Variants in NBPF9 observed in about 807,000 individuals in gnomAD.
NBPF9 encodes the protein NBPF family member NBPF9.
Under a neutral mutation model 97.8 loss-of-function variants are expected in NBPF9, and 91 were observed. The ratio of observed to expected loss-of-function variants is 0.93; its 90% CI spans 0.79 to 1.11. NBPF9 has a LOEUF of 1.11. NBPF9 is among the 50% of genes least tolerant of loss of function. NBPF9 has a pLI of 0.00. For synonymous variants in NBPF9, 334 were observed against 359.5 expected (o/e 0.93, Z 0.80); for missense variants, 992 against 939.5 (o/e 1.06, Z -0.73).
In NBPF9 at chr1:149,074,809, C is replaced by CATTATT. The variant is rs369434237; in HGVS notation, c.988+840_988+845dup. Among the ~76,000 whole-genome samples, 17 of 149,670 alleles carry CATTATT rather than the reference C, an allele frequency of 1.1e-4. 2 individuals carry two copies. Among genetic ancestry groups the CATTATT allele is most frequent in the Admixed American group, 5.4e-4 (8 of 14,952 alleles). ...TTTTATTCTTATTTTTATTTATCAT[C>CATTATT]ATTATTATTATTATTATTATTTTTA... On this transcript the variant is annotated intron_variant, in intron 12 of 29. Coordinates refer to ENST00000584027, the Ensembl canonical transcript of NBPF9.
chr1:149,098,269 G>T (rs1401094450), intron 4 of NBPF9, among the ~76,000 whole-genome samples, 169 bp downstream of exon 4: 1 of 151,382 alleles, frequency 6.6e-6, no homozygotes. Context: ...GGTGGCACAC[G>T]CTGTGAATAT....
At chr1:149,072,193 T>A (rs1559527029) in intron 14 of NBPF9, among the ~76,000 whole-genome samples, 1 of 151,292 alleles carries the variant, frequency 6.6e-6, no homozygotes, top group Non-Finnish European at 1.5e-5. Flanking sequence ...CGCCCCCACA[T>A]AAAGTGCCTT....
chr1:149,077,392 T>G lies in NBPF9; in HGVS notation c.594A>C (p.Lys198Asn), dbSNP rs1417700008. ...ATTCCTCCAGTGAGTCCTCAGCGAC[T>G]TTGCTCTCTTCAGCCTTCTGCACCT... The change falls in exon 11 of 30, where the codon AAA becomes AAC. Residue 198 changes from lysine to asparagine, a missense_variant. Physicochemically the swap from Lys to Asn is moderately conservative, Grantham distance 94. Coordinates refer to ENST00000584027, the Ensembl canonical transcript of NBPF9. 550 of 1,610,048 alleles carry G rather than the reference T, an allele frequency of 3.4e-4. 12 individuals are homozygous for G. The African/African-American group carries it at 6.5e-3, about 19-fold the overall frequency.
intron 4 of NBPF9, among the ~76,000 whole-genome samples, chr1:149,097,026 A>G (rs1162057920): frequency 6.6e-6 from 1 of 151,270 alleles, no homozygotes; most frequent in Non-Finnish European, 1.5e-5. Context: ...AAGAAAAAGA[A>G]AAGAAGAAAG....
At chr1:149,058,850 C>G (rs1166780023) in intron 26 of NBPF9, 75 bp downstream of exon 26, 108 of 701,466 alleles carry the variant, frequency 1.5e-4, no homozygotes, top group Middle Eastern at 3.8e-4. Flanking sequence ...TCAGTAAGGG[C>G]CACTTGGAAC....
intron 1 of NBPF9, 111 bp downstream of exon 1, chr1:149,103,190 G>A (rs587658481): frequency 2.3e-5 from 2 of 85,272 alleles, no homozygotes; most frequent in African/African-American, 8.9e-5. Context: ...CCCCCACCCC[G>A]CCTCGCCCTC....
chr1:149,058,886 C>T (rs1249572304), intron 26 of NBPF9, 39 bp downstream of exon 26: 4 of 623,322 alleles, frequency 6.4e-6, no homozygotes, highest in African/African-American at 6.2e-5. Context: ...ATCTGGAAGA[C>T]CAGGTGGAGG....
At chr1:149,063,030 T>G in intron 20 of NBPF9, 117 bp from the exon 21 acceptor site, 1 of 564,980 alleles carries the variant, frequency 1.8e-6, no homozygotes. Flanking sequence ...AATAGGACAC[T>G]GTGAGAGATA....
chr1:149,082,953 T>C (rs1213722152), intron 5 of NBPF9, among the ~76,000 whole-genome samples: 5 of 60,108 alleles, frequency 8.3e-5, no homozygotes, highest in Admixed American at 5.8e-4. Flanking sequence ...CTAATTTTTC[T>C]TTTCTTTTTT....
chr1:149,094,078 T>C (rs2081588303), intron 4 of NBPF9, among the ~76,000 whole-genome samples: 2 of 151,784 alleles, frequency 1.3e-5, no homozygotes, highest in Admixed American at 6.6e-5. Context: ...GAGGTTGCAG[T>C]GAGCTGAGAT....
downstream of NBPF9, among the ~76,000 whole-genome samples, chr1:149,052,256 G>C (rs61808006): frequency 6.6e-6 from 1 of 151,574 alleles, no homozygotes; most frequent in Non-Finnish European, 1.5e-5. Context: ...TCGACTTTAT[G>C]AAAATTAAAA....
At chr1:149,100,941 A>C (rs1428461002) in intron 3 of NBPF9, among the ~76,000 whole-genome samples, 7 of 152,130 alleles carry the variant, frequency 4.6e-5, no homozygotes, top group Non-Finnish European at 7.3e-5. Flanking sequence ...CTGAAAAAAA[A>C]AAAAAGAAAT....
At chr1:149,083,086 G>A (rs1334727401) in intron 5 of NBPF9, among the ~76,000 whole-genome samples, 2 of 148,640 alleles carry the variant, frequency 1.3e-5, no homozygotes, top group Non-Finnish European at 3.0e-5. Context: ...GGGATTACAG[G>A]CGTGAGCCAC....
chr1:149,103,379 G>C (rs587695358), exon 1 of NBPF9: 1 of 151,650 alleles, frequency 6.6e-6, no homozygotes, highest in Admixed American at 6.5e-5. Context: ...GCCTCGGCCC[G>C]CTCCTGGCGC....
chr1:149,055,836 A>T lies in NBPF9; in HGVS notation c.3156T>A (p.Cys1052Ter). 1 of 1,605,726 alleles carries T rather than the reference A, an allele frequency of 6.2e-7. No individual in the cohort carries two copies. Among genetic ancestry groups the T allele is most frequent in the Non-Finnish European group, 8.5e-7 (1 of 1,178,804 alleles). Reference sequence around the variant, plus strand: ...CAAAGTACATTGACGGAGTAGAATAACATCCATCCAGTGAGTCCTGCAAGA... The same window carrying T: ...CAAAGTACATTGACGGAGTAGAATATCATCCATCCAGTGAGTCCTGCAAGA... The change falls in exon 30 of 30, where the codon TGT (cysteine) becomes TGA (stop). Residue 1052 changes from cysteine (C) to a stop codon, truncating the protein, a stop_gained. Transcript: ENST00000584027. LOFTEE classifies it low-confidence loss of function (END_TRUNC).
chr1:149,076,402 G>T (rs2152901825), intron 11 of NBPF9, among the ~76,000 whole-genome samples: 1 of 151,198 alleles, frequency 6.6e-6, no homozygotes, highest in African/African-American at 2.4e-5. Context: ...TCGCCATCTT[G>T]GACAGGCTGG....
intron 17 of NBPF9, among the ~76,000 whole-genome samples, chr1:149,069,154 C>T (rs2079212820): frequency 6.6e-6 from 1 of 151,018 alleles, no homozygotes; most frequent in Non-Finnish European, 1.5e-5. Flanking sequence ...GCACTAAATG[C>T]CCACAAGAGA....
chr1:149,070,307 C>T (rs1202279796), intron 16 of NBPF9, among the ~76,000 whole-genome samples: 2 of 115,482 alleles, frequency 1.7e-5, no homozygotes, highest in African/African-American at 7.0e-5. Flanking sequence ...GGTGACAGAG[C>T]AAGACTCCAT....
chr1:149,055,579 T>G lies in NBPF9; in HGVS notation c.*77A>C, dbSNP rs1440119986. ...CTATGTCTGGGCTTCCAAATGGAAC[T>G]GTACTTTCATTCAAAACTTCACGTG... On this transcript the variant is annotated 3_prime_UTR_variant, in exon 30 of 30. Transcript: ENST00000584027. 7.1e-6 allele frequency: 11 copies of G among 1,541,518 alleles called. No individual in the cohort carries two copies. In the African/African-American group the frequency reaches 1.5e-4, roughly 21 times the overall value.
Sources: gnomAD v4.1 joint callset for allele counts (sites outside exome capture counted in the v4.1 genomes callset) on GRCh38, gnomAD v4.1.1 for gene constraint, MANE v1.5 for transcripts, NCBI Gene and HGNC (gene_info 2026-07-23, HGNC 2026-07-21) for gene names.